FHIT: variants seen among roughly 807,000 people sequenced by gnomAD.
The protein encoded by FHIT is fragile histidine triad diadenosine triphosphatase.
In FHIT, 19 loss-of-function variants were observed where a neutral mutation model predicts 17.9. The ratio of observed to expected loss-of-function variants is 1.06; its 90% CI spans 0.74 to 1.56. The LOEUF (loss-of-function observed/expected upper bound fraction) is 1.56. Ranked by LOEUF, FHIT falls within the 40% of genes most tolerant of loss-of-function variation. The pLI, the probability that FHIT is intolerant of heterozygous loss-of-function variation, is 0.00. For missense variants in FHIT, 248 were observed against 189.2 expected, an observed-to-expected ratio of 1.31 and a Z score of -1.82; for synonymous variants, 81 against 69.7, an observed-to-expected ratio of 1.16 and a Z score of -0.81.
At chr3:60,824,301 C>G (rs727346) in intron 3 of FHIT, among the ~76,000 whole-genome samples, 4 of 152,068 alleles carry the variant, frequency 2.6e-5, no homozygotes, top group African/African-American at 9.7e-5. Context: ...AAAGGATTTG[C>G]AATAGATTGC....
At chr3:59,866,711 G>A (rs940188725) in intron 8 of FHIT, among the ~76,000 whole-genome samples, 1 of 152,180 alleles carries the variant, frequency 6.6e-6, no homozygotes, top group African/African-American at 2.4e-5. Context: ...GGTGGAACAC[G>A]TGGTATGTGG....
intron 7 of FHIT, among the ~76,000 whole-genome samples, chr3:59,990,121 A>G (rs1344999076): frequency 2.0e-5 from 3 of 152,124 alleles, no homozygotes; most frequent in African/African-American, 7.2e-5. Context: ...ATATAAATTT[A>G]ACCATGGATG....
At chr3:59,918,059 C>T (rs141815641) in intron 8 of FHIT, among the ~76,000 whole-genome samples, 1 of 152,356 alleles carries the variant, frequency 6.6e-6, no homozygotes, top group East Asian at 1.9e-4. Context: ...ATCAATGCCC[C>T]ATTAAATTCA....
chr3:60,270,511 T>C (rs1260858908), intron 5 of FHIT, among the ~76,000 whole-genome samples: 1 of 152,170 alleles, frequency 6.6e-6, no homozygotes, highest in East Asian at 1.9e-4. Flanking sequence ...GTAGAACTCA[T>C]AAAAGATGTT....
chr3:60,765,367 A>G (rs1372482571), intron 4 of FHIT, among the ~76,000 whole-genome samples: 1 of 152,228 alleles, frequency 6.6e-6, no homozygotes, highest in African/African-American at 2.4e-5. Flanking sequence ...AATGTGAACC[A>G]AGCTTTCTTT....
In FHIT at chr3:61,020,033, A is replaced by C. The variant is rs539926385; in HGVS notation, c.-111+22014T>G. Among the ~76,000 whole-genome samples, 10 of 152,272 alleles carry C rather than the reference A, an allele frequency of 6.6e-5. No individual in the cohort carries two copies. In the South Asian group the frequency reaches 2.1e-3, roughly 32 times the overall value. ...CTCCCCTAGCCCCACAAACCCTGACAGGCCCTTTGGGTATAACCTAGTAAT... is the reference window on the plus strand; with the variant it reads ...CTCCCCTAGCCCCACAAACCCTGACCGGCCCTTTGGGTATAACCTAGTAAT... On this transcript the variant is annotated intron_variant, in intron 3 of 9. Coordinates refer to ENST00000492590, the MANE Select transcript of FHIT (RefSeq NM_002012.4).
chr3:60,437,527 T>C (rs1188151060), intron 5 of FHIT, among the ~76,000 whole-genome samples: 2 of 152,098 alleles, frequency 1.3e-5, no homozygotes, highest in African/African-American at 4.8e-5. Context: ...AAGAGTTTAC[T>C]ACATCCTATG....
intron 8 of FHIT, among the ~76,000 whole-genome samples, chr3:59,774,019 T>G (rs1702190887): frequency 6.6e-6 from 1 of 152,240 alleles, no homozygotes. Flanking sequence ...ACAATTAATT[T>G]TATCTGTTTT....
At chr3:60,791,866 G>A (rs1700789239) in intron 4 of FHIT, among the ~76,000 whole-genome samples, 1 of 152,214 alleles carries the variant, frequency 6.6e-6, no homozygotes, top group Non-Finnish European at 1.5e-5. Flanking sequence ...ATCAGTAATG[G>A]ACAGTGTCCT....
chr3:60,147,662 A>C lies in FHIT; in HGVS notation c.104-133510T>G, dbSNP rs941512539. Among the ~76,000 whole-genome samples the C allele has an allele frequency of 3.3e-5, 5 of 152,302 alleles. No homozygotes were observed. The East Asian group carries it at 7.7e-4, about 23-fold the overall frequency. On this transcript the variant is annotated intron_variant, in intron 5 of 9. Transcript: ENST00000492590. The stretch of plus-strand genomic sequence containing the variant: ...ACAAAAGAGTAAGTAAAGAGCAAGG[A>C]AACAGCCAAGAAACCCTGAGCAAAT...
intron 2 of FHIT, among the ~76,000 whole-genome samples, chr3:61,068,352 T>C (rs969473704): frequency 2.6e-5 from 4 of 152,182 alleles, no homozygotes; most frequent in Non-Finnish European, 5.9e-5. Flanking sequence ...TCATTCTGAA[T>C]TTCTAAAGGC....
intron 1 of FHIT, among the ~76,000 whole-genome samples, chr3:61,212,679 C>G (rs1418809049): frequency 6.6e-6 from 1 of 152,152 alleles, no homozygotes; most frequent in African/African-American, 2.4e-5. Context: ...TCGAGAAGGG[C>G]AACTCCAAGA....
intron 5 of FHIT, among the ~76,000 whole-genome samples, chr3:60,124,439 T>A (rs1448250106): frequency 6.6e-6 from 1 of 152,106 alleles, no homozygotes; most frequent in Non-Finnish European, 1.5e-5. Flanking sequence ...TCTTTCTTCA[T>A]CCTTGGATAC....
At chr3:60,753,648 G>A (rs538119039) in intron 4 of FHIT, among the ~76,000 whole-genome samples, 3 of 152,208 alleles carry the variant, frequency 2.0e-5, no homozygotes, top group African/African-American at 4.8e-5. Context: ...AGTGCTTTAA[G>A]TTTTCTCATG....
At chr3:59,761,814 T>G (rs905793484) in intron 8 of FHIT, among the ~76,000 whole-genome samples, 2 of 152,008 alleles carry the variant, frequency 1.3e-5, no homozygotes, top group Admixed American at 1.3e-4. Flanking sequence ...GCCAGGCTGG[T>G]CTCGAACTCC....
chr3:60,053,423 T>A (rs1055979182), intron 5 of FHIT, among the ~76,000 whole-genome samples: 4 of 149,806 alleles, frequency 2.7e-5, no homozygotes, highest in African/African-American at 9.9e-5. Flanking sequence ...ATTTTTATCA[T>A]ATAATGGAAA....
chr3:60,213,027 C>T (rs1326851483), intron 5 of FHIT, among the ~76,000 whole-genome samples: 1 of 152,084 alleles, frequency 6.6e-6, no homozygotes, highest in Non-Finnish European at 1.5e-5. Flanking sequence ...GGATCTGTGT[C>T]CCTCTCAAAG....
chr3:59,947,986 T>C (rs552933165), intron 7 of FHIT, among the ~76,000 whole-genome samples: 48 of 152,220 alleles, frequency 3.2e-4, no homozygotes, highest in Non-Finnish European at 5.4e-4. Flanking sequence ...AGTTTGTTCC[T>C]TTTTATTGCT....
intron 5 of FHIT, among the ~76,000 whole-genome samples, chr3:60,074,645 T>C (rs1338003424): frequency 7.6e-6 from 1 of 132,068 alleles, no homozygotes; most frequent in Admixed American, 7.5e-5. Context: ...TTGCTACTCC[T>C]GCTAACTGTT....
Sources: gnomAD v4.1 joint callset for allele counts (sites outside exome capture counted in the v4.1 genomes callset) on GRCh38, gnomAD v4.1.1 for gene constraint, MANE v1.5 for transcripts, NCBI Gene and HGNC (gene_info 2026-07-23, HGNC 2026-07-21) for gene names.